SYN2: variants seen among roughly 807,000 people sequenced by gnomAD.
The protein encoded by SYN2 is synapsin-2.
Under a neutral mutation model 50.9 loss-of-function variants are expected in SYN2, and 19 were observed. The ratio of observed to expected loss-of-function variants is 0.37; its 90% CI spans 0.26 to 0.55. SYN2 has a LOEUF of 0.55. Ranked by LOEUF, SYN2 falls within the 20% of genes least tolerant of loss-of-function variation. The pLI is 0.81. For synonymous variants in SYN2, 255 were observed against 224.9 expected (o/e 1.13, Z -1.20); for missense variants, 587 against 576.4 (o/e 1.02, Z -0.19).
At chr3:12,018,608 G>C (rs1016370354) in intron 1 of SYN2, among the ~76,000 whole-genome samples, 1 of 152,174 alleles carries the variant, frequency 6.6e-6, no homozygotes, top group Non-Finnish European at 1.5e-5. Flanking sequence ...GATACAAAAG[G>C]CCAATGAACA....
At position 12,055,051 on chromosome 3, in the gene SYN2, C is replaced by G. The variant is rs151312567; in HGVS notation, c.377+50123C>G. Among the ~76,000 whole-genome samples, 927 of 152,072 alleles carry G rather than the reference C, an allele frequency of 6.1e-3. 4 individuals are homozygous for G. Among genetic ancestry groups the G allele is most frequent in the Non-Finnish European group, 9.7e-3 (662 of 67,978 alleles). ...AAAATTAAAAAGCTTGATACTTGAC[C>G]TTTTGGACATATAGATTTTTATATT... On this transcript the variant is annotated intron_variant, in intron 1 of 12. Transcript: ENST00000621198.
intron 8 of SYN2, 107 bp downstream of exon 8, chr3:12,167,415 C>A (rs780221905): frequency 5.9e-6 from 7 of 1,190,584 alleles, no homozygotes; most frequent in East Asian, 2.6e-5. Context: ...TGGAGCAAAC[C>A]GGACAGATAA....
intron 1 of SYN2, among the ~76,000 whole-genome samples, chr3:12,044,181 T>TCTCTCTCTCTCA (rs573246278): frequency 0.03 from 1,598 of 53,190 alleles, 32 homozygotes; most frequent in African/African-American, 0.066. Flanking sequence ...TCTCTCTCTC[T>TCTCTCTCTCTCA]CACACACACA....
intron 7 of SYN2, among the ~76,000 whole-genome samples, chr3:12,166,365 C>T (rs1431489693): frequency 1.3e-5 from 2 of 152,210 alleles, no homozygotes; most frequent in Non-Finnish European, 2.9e-5. Flanking sequence ...TTAATTTAAA[C>T]CTGTATCAAT....
chr3:12,157,240 C>G (rs111671915), intron 5 of SYN2: 4 of 762,180 alleles, frequency 5.2e-6, no homozygotes, highest in African/African-American at 5.2e-5. Context: ...GGCTCTGCCT[C>G]CAAATCTCAT....
At chr3:12,133,169 G>GA (rs909054843) in intron 1 of SYN2, among the ~76,000 whole-genome samples, 27 of 152,290 alleles carry the variant, frequency 1.8e-4, no homozygotes, top group Admixed American at 1.3e-3. Flanking sequence ...CTCTATCTAA[G>GA]AAGTGCCTTA....
Position 12,099,968 on chromosome 3 carries a change from A to AAAAAAGG in SYN2, c.378-40678_378-40677insGGAAAAA, listed in dbSNP as rs1420616709. 6.8e-4 allele frequency among the ~76,000 whole-genome samples: 39 copies of AAAAAAGG among 57,086 alleles called. 1 individual carries two copies. The highest frequency in any genetic ancestry group is 1.4e-3 in the Non-Finnish European group (33 of 23,226). 37.5% of individuals were successfully genotyped at this position (57,086 alleles called of 152,430 possible). On this transcript the variant is annotated intron_variant, in intron 1 of 12. Coordinates refer to ENST00000621198, the MANE Select transcript of SYN2 (RefSeq NM_133625.6). ...CGACAGAGTGAGACTCTGTCTCAAA[A>AAAAAAGG]AAAAAAGAAAAAAAAAAAGAAGTGC...
intron 1 of SYN2, among the ~76,000 whole-genome samples, chr3:12,056,174 T>G (rs76418508): frequency 1.2e-3 from 176 of 152,160 alleles, no homozygotes; most frequent in African/African-American, 3.2e-3. Context: ...GTTTTGTTTT[T>G]TTTTTTTTAA....
intron 1 of SYN2, among the ~76,000 whole-genome samples, chr3:12,036,150 T>G (rs1414872997): frequency 6.6e-6 from 1 of 152,140 alleles, no homozygotes; most frequent in Non-Finnish European, 1.5e-5. Context: ...GGGTACCTGC[T>G]CCATCTTAGG....
intron 1 of SYN2, among the ~76,000 whole-genome samples, chr3:12,005,805 A>G (rs1292197903): frequency 6.6e-6 from 1 of 151,902 alleles, no homozygotes; most frequent in Non-Finnish European, 1.5e-5. Context: ...TCCAACTTAG[A>G]ATGGTGAAGG....
At chr3:12,140,546 C>T (rs1696992107) in intron 1 of SYN2, 105 bp from the exon 2 acceptor site, 1 of 712,490 alleles carries the variant, frequency 1.4e-6, no homozygotes, top group South Asian at 1.5e-5. Flanking sequence ...TCTTGACCCT[C>T]ATTCTGGAGA....
chr3:12,065,321 A>G (rs554130750), intron 1 of SYN2, among the ~76,000 whole-genome samples: 150 of 152,296 alleles, frequency 9.8e-4, no homozygotes, highest in African/African-American at 3.6e-3. Flanking sequence ...TTAAAACAGA[A>G]CTACTATTGA....
chr3:12,117,727 T>C (rs994590526), intron 1 of SYN2, among the ~76,000 whole-genome samples: 1 of 152,214 alleles, frequency 6.6e-6, no homozygotes, highest in Admixed American at 6.5e-5. Context: ...GTTTTAAATC[T>C]TCTCCTCTGT....
intron 1 of SYN2, among the ~76,000 whole-genome samples, chr3:12,094,711 T>G (rs1695892323): frequency 6.6e-6 from 1 of 152,176 alleles, no homozygotes; most frequent in Admixed American, 6.5e-5. Flanking sequence ...AGAATATCTC[T>G]AAACAATACA....
At chr3:12,100,345 C>T (rs1696044665) in intron 1 of SYN2, among the ~76,000 whole-genome samples, 1 of 152,030 alleles carries the variant, frequency 6.6e-6, no homozygotes, top group Admixed American at 6.6e-5. Flanking sequence ...TAATGTACGG[C>T]CAATTTATAT....
At chr3:12,052,544 A>G (rs1378279592) in intron 1 of SYN2, among the ~76,000 whole-genome samples, 2 of 152,354 alleles carry the variant, frequency 1.3e-5, no homozygotes, top group South Asian at 2.1e-4. Context: ...AAATAAATAC[A>G]AATTTATGGA....
At chr3:12,183,874 A>T in intron 11 of SYN2, 1 of 1,015,404 alleles carries the variant, frequency 9.8e-7, no homozygotes. Context: ...TAAATCCCCC[A>T]CCTCCAACTT....
intron 10 of SYN2, among the ~76,000 whole-genome samples, chr3:12,178,390 T>G (rs923846978): frequency 6.6e-5 from 10 of 152,204 alleles, no homozygotes; most frequent in Non-Finnish European, 1.3e-4. Context: ...CAGGAGCTCC[T>G]TTCTCCAGCT....
chr3:12,037,606 G>A (rs958809037), intron 1 of SYN2, among the ~76,000 whole-genome samples: 6 of 152,148 alleles, frequency 3.9e-5, no homozygotes, highest in African/African-American at 1.4e-4. Flanking sequence ...GAGTGAGCAG[G>A]CTCAAGTGGA....
Sources: gnomAD v4.1 joint callset for allele counts (sites outside exome capture counted in the v4.1 genomes callset) on GRCh38, gnomAD v4.1.1 for gene constraint, MANE v1.5 for transcripts, NCBI Gene and HGNC (gene_info 2026-07-23, HGNC 2026-07-21) for gene names.